IFI44: variants seen among roughly 807,000 people sequenced by gnomAD.
IFI44 encodes interferon-induced protein 44.
Under a neutral mutation model 45.0 loss-of-function variants are expected in IFI44, and 42 were observed. That is an observed-to-expected ratio of 0.93 (90% CI 0.73 to 1.21). IFI44 has a LOEUF of 1.21. IFI44 is among the 50% of genes most tolerant of loss of function. IFI44 has a pLI of 0.00. For missense variants in IFI44, 623 were observed against 525.8 expected, an observed-to-expected ratio of 1.18 and a Z score of -1.81; for synonymous variants, 221 against 188.6, an observed-to-expected ratio of 1.17 and a Z score of -1.41.
intron 8 of IFI44, 67 bp from the exon 9 acceptor site, chr1:78,663,698 T>C (rs957061811): frequency 6.3e-7 from 1 of 1,587,454 alleles, no homozygotes; most frequent in Non-Finnish European, 8.6e-7. Context: ...TGGTCCAATA[T>C]TCCTCTTCCC....
intron 7 of IFI44, among the ~76,000 whole-genome samples, chr1:78,662,376 C>T (rs931373400): frequency 2.0e-5 from 3 of 152,114 alleles, no homozygotes; most frequent in Non-Finnish European, 2.9e-5. Context: ...AAGAATTAAA[C>T]GTTAAACTGG....
intron 5 of IFI44, among the ~76,000 whole-genome samples, chr1:78,656,221 C>T (rs981986830): frequency 5.9e-5 from 9 of 152,108 alleles, no homozygotes; most frequent in Admixed American, 1.3e-4. Flanking sequence ...CTGACTGAGA[C>T]GTATGGCTGT....
At chr1:78,659,072 C>T (rs1227557607) in intron 5 of IFI44, among the ~76,000 whole-genome samples, 1 of 152,050 alleles carries the variant, frequency 6.6e-6, no homozygotes, top group Non-Finnish European at 1.5e-5. Flanking sequence ...CAGACTCACT[C>T]CTGCTATTTT....
intron 2 of IFI44, among the ~76,000 whole-genome samples, chr1:78,653,122 G>A (rs529300124): frequency 2.6e-4 from 39 of 151,562 alleles, no homozygotes; most frequent in Middle Eastern, 6.8e-3. Flanking sequence ...CTTTCTTCAC[G>A]TTTTAAAATT....
chr1:78,650,602 C>T lies in IFI44; in HGVS notation c.407C>T (p.Ala136Val). The T allele has an allele frequency of 1.2e-6, 2 of 1,609,208 alleles. No individual in the cohort carries two copies. The highest frequency in any genetic ancestry group is 1.7e-6 in the Non-Finnish European group (2 of 1,178,246). The stretch of plus-strand genomic sequence containing the variant: ...AAGACAATGGAAAATCTTGGACTTG[C>T]TCAAAATTGTACTATCTCTATTCAG... ...DLKTMENLGL[A>V]QNCTISIQDY... The change falls in exon 2 of 9, where the codon GCT becomes GTT. Residue 136 changes from alanine to valine, a missense_variant. Ala to Val is a moderately conservative substitution (Grantham distance 64). Coordinates refer to ENST00000370747, the MANE Select transcript of IFI44 (RefSeq NM_006417.5).
In IFI44 at chr1:78,650,324, A is replaced by T. The variant is rs1313381405; in HGVS notation, c.129A>T (p.Arg43Ser). 1 of 1,613,960 alleles carries T rather than the reference A, an allele frequency of 6.2e-7. No homozygotes were observed. Among genetic ancestry groups the T allele is most frequent in the Non-Finnish European group, 8.5e-7 (1 of 1,179,966 alleles). ...HGFRNGVLLDRCCNQGPTLTV... is the reference protein window; with the variant it reads ...HGFRNGVLLDSCCNQGPTLTV... ...TCCGTAATGGAGTTTTGCTTGACAG[A>T]TGTTGTAATCAAGGGCCTACTCTAA... The change falls in exon 2 of 9, where the codon AGA (arginine) becomes AGT (serine). Residue 43 changes from arginine to serine, a missense_variant. Physicochemically the swap from Arg to Ser is moderately radical, Grantham distance 110 (BLOSUM62 -1). Coordinates refer to ENST00000370747, the MANE Select transcript of IFI44 (RefSeq NM_006417.5).
chr1:78,658,305 A>T (rs1024106203), intron 5 of IFI44, among the ~76,000 whole-genome samples: 11 of 152,226 alleles, frequency 7.2e-5, no homozygotes, highest in African/African-American at 2.2e-4. Flanking sequence ...TATCAGTACC[A>T]TGAACAATCT....
chr1:78,658,889 TC>T (rs1647296929), intron 5 of IFI44, among the ~76,000 whole-genome samples: 1 of 152,074 alleles, frequency 6.6e-6, no homozygotes, highest in Non-Finnish European at 1.5e-5. Context: ...TGGGACAGAT[TC>T]CCAACAGAGA....
At chr1:78,654,330 A>G (rs751554630) in intron 3 of IFI44, 51 bp downstream of exon 3, 1 of 960,250 alleles carries the variant, frequency 1.0e-6, no homozygotes. Flanking sequence ...TCTTTGACTT[A>G]TTCTATGATA....
chr1:78,659,438 A>G lies in IFI44; in HGVS notation c.967A>G (p.Met323Val), dbSNP rs116652062. ...CTCTATTCAATACTTCTCCTCTCAG[A>G]TGATAGTAAAGATCAAAAGAATTCG... ...ASSIQYFSSQ[M>V]IVKIKRIRRE... Residue 323 changes from methionine (M) to valine (V), a missense_variant, in exon 6 of 9, where the codon ATG (methionine) becomes GTG (valine). Physicochemically the swap from Met to Val is conservative, Grantham distance 21 (BLOSUM62 1). Coordinates refer to ENST00000370747, the MANE Select transcript of IFI44 (RefSeq NM_006417.5). 169 of 1,613,522 alleles carry G rather than the reference A, an allele frequency of 1.0e-4. 1 individual carries two copies. In the East Asian group the frequency reaches 3.7e-3, roughly 36 times the overall value.
At chr1:78,661,579 TC>T (rs774953786) in intron 7 of IFI44, among the ~76,000 whole-genome samples, 42 of 151,886 alleles carry the variant, frequency 2.8e-4, no homozygotes, top group Non-Finnish European at 4.9e-4. Context: ...TGAAAAAAAT[TC>T]CCCCGCACTA....
intron 2 of IFI44, 101 bp downstream of exon 2, chr1:78,650,753 A>G (rs1557698564): frequency 6.7e-6 from 5 of 746,234 alleles, no homozygotes; most frequent in East Asian, 5.3e-5. Context: ...TTCACTTGTC[A>G]ATAATTTGGA....
At position 78,659,367 on chromosome 1, in the gene IFI44, C is replaced by T. The variant is rs777622755; in HGVS notation, c.896C>T (p.Ser299Leu). Residue 299 changes from serine (S) to leucine (L), a missense_variant, in exon 6 of 9, where the codon TCG becomes TTG. By Grantham distance (145) the Ser-to-Leu change is moderately radical. Transcript: ENST00000370747. ...CATCATGACTACATTGATTCCCCAT[C>T]GCTGAAGGACAGAATTCATTGTGTG... ...LNHHDYIDSPSLKDRIHCVAF... is the reference protein window; with the variant it reads ...LNHHDYIDSPLLKDRIHCVAF... 52 of 1,613,174 alleles carry T rather than the reference C, an allele frequency of 3.2e-5. No homozygotes were observed. The highest frequency in any genetic ancestry group is 4.4e-5 in the South Asian group (4 of 91,062).
chr1:78,656,682 A>G (rs1647218159), intron 5 of IFI44, among the ~76,000 whole-genome samples: 1 of 149,974 alleles, frequency 6.7e-6, no homozygotes, highest in South Asian at 2.1e-4. Flanking sequence ...GCTTTGTTTG[A>G]TCATTTGTGT....
Position 78,650,279 on chromosome 1 carries a change from T to C in IFI44, c.84T>C (p.Tyr28=). The change falls in exon 2 of 9, where the codon TAT becomes TAC. Residue 28 remains tyrosine (Y), a synonymous_variant. Coordinates refer to ENST00000370747, the MANE Select transcript of IFI44 (RefSeq NM_006417.5). ...GAGGGAAGCGGCTTAGCCTTCTCTA[T>C]AAGGGTAGTGTCCATGGATTCCGTA... ...HFGGKRLSLL[Y]KGSVHGFRNG... 1 of 1,614,060 alleles carries C rather than the reference T, an allele frequency of 6.2e-7. No homozygotes were observed. The highest frequency in any genetic ancestry group is 8.5e-7 in the Non-Finnish European group (1 of 1,179,950).
intron 7 of IFI44, among the ~76,000 whole-genome samples, chr1:78,662,086 A>G (rs148816615): frequency 2.3e-4 from 35 of 152,340 alleles, no homozygotes; most frequent in African/African-American, 8.2e-4. Context: ...GGCACTGTGT[A>G]CAGAATAGAT....
intron 2 of IFI44, among the ~76,000 whole-genome samples, chr1:78,652,058 A>G (rs1370493014): frequency 6.6e-6 from 1 of 152,098 alleles, no homozygotes; most frequent in African/African-American, 2.4e-5. Context: ...TTTTCAAGGC[A>G]GGCAAGCATG....
At chr1:78,663,670 G>A (rs576985425) in intron 8 of IFI44, 95 bp from the exon 9 acceptor site, 47 of 1,538,028 alleles carry the variant, frequency 3.1e-5, no homozygotes, top group South Asian at 1.2e-4. Flanking sequence ...TAATATTAGC[G>A]TTGGTTGAGA....
At position 78,662,719 on chromosome 1, in the gene IFI44, A is replaced by G; in HGVS notation, c.1129A>G (p.Arg377Gly). 1 of 1,613,198 alleles carries G rather than the reference A, an allele frequency of 6.2e-7. No homozygotes were observed. The highest frequency in any genetic ancestry group is 8.5e-7 in the Non-Finnish European group (1 of 1,179,584). ...TGTATTGCAGCTAGAGGAAGTCCAA[A>G]GAAAACTTGGATTTGCTCTTTCTGA... ...PVRSKLEEVQRKLGFALSDIS... is the reference protein window; with the variant it reads ...PVRSKLEEVQGKLGFALSDIS... Residue 377 changes from arginine (R) to glycine (G), a missense_variant, in exon 8 of 9, where the codon AGA (arginine) becomes GGA (glycine). Coordinates refer to ENST00000370747, the MANE Select transcript of IFI44 (RefSeq NM_006417.5).
Sources: gnomAD v4.1 joint callset for allele counts (sites outside exome capture counted in the v4.1 genomes callset) on GRCh38, gnomAD v4.1.1 for gene constraint, MANE v1.5 for transcripts, NCBI Gene and HGNC (gene_info 2026-07-23, HGNC 2026-07-21) for gene names.